The following MYH15 variants were observed in gnomAD, a reference collection of about 807,000 sequenced individuals.
MYH15 encodes myosin-15.
A neutral mutation model predicts 240.5 loss-of-function variants in MYH15; 227 were observed. The ratio of observed to expected loss-of-function variants is 0.94; its 90% CI spans 0.85 to 1.05. The LOEUF is 1.05. Among genes scored for constraint, MYH15 ranks in the 50% least tolerant of loss-of-function variants. The pLI, the probability that MYH15 is intolerant of heterozygous loss-of-function variation, is 0.00. For synonymous variants in MYH15, 785 were observed against 796.7 expected, an observed-to-expected ratio of 0.99 and a Z score of 0.25; for missense variants, 2,217 against 2,247.5, an observed-to-expected ratio of 0.99 and a Z score of 0.27.
chr3:108,392,798 A>G (rs2082431063), intron 36 of MYH15, among the ~76,000 whole-genome samples: 1 of 152,220 alleles, frequency 6.6e-6, no homozygotes, highest in African/African-American at 2.4e-5. Flanking sequence ...TCTTCATAAT[A>G]TATGATTGCA....
At chr3:108,436,999 G>A (rs1352734324) in intron 25 of MYH15, among the ~76,000 whole-genome samples, 1 of 152,138 alleles carries the variant, frequency 6.6e-6, no homozygotes, top group Non-Finnish European at 1.5e-5. Context: ...TCTTTGGGGT[G>A]TAAGGAATCC....
chr3:108,459,819 G>A (rs1317381455), intron 17 of MYH15, among the ~76,000 whole-genome samples: 1 of 152,178 alleles, frequency 6.6e-6, no homozygotes, highest in African/African-American at 2.4e-5. Context: ...ACCTGAGATG[G>A]GAATTCTGGT....
intron 26 of MYH15, among the ~76,000 whole-genome samples, chr3:108,429,704 T>C (rs1410831325): frequency 6.6e-6 from 1 of 152,184 alleles, no homozygotes; most frequent in Non-Finnish European, 1.5e-5. Flanking sequence ...TTTTAGAATA[T>C]GTTTTCCTTT....
At chr3:108,536,953 CAT>C in the MYH15 span, among the ~76,000 whole-genome samples, 1 of 152,146 alleles carries the variant, frequency 6.6e-6, no homozygotes, top group African/African-American at 2.4e-5. Context: ...CTAAGTGAAA[CAT>C]ATTCTCCTTC....
chr3:108,444,552 T>C, intron 22 of MYH15, 88 bp downstream of exon 22: 1 of 1,440,962 alleles, frequency 6.9e-7, no homozygotes. Context: ...CATGCATCTA[T>C]TTTTTTGTTT....
chr3:108,537,638 C>T, the MYH15 span, among the ~76,000 whole-genome samples: 5 of 152,188 alleles, frequency 3.3e-5, no homozygotes, highest in African/African-American at 1.2e-4. Context: ...CCTGTTGGCA[C>T]TTTGATCATG....
intron 4 of MYH15, 125 bp from the exon 5 acceptor site, chr3:108,499,607 T>C (rs2083421275): frequency 1.1e-6 from 1 of 932,760 alleles, no homozygotes; most frequent in African/African-American, 1.7e-5. Flanking sequence ...TAGCATCATT[T>C]ATAGTTAGAA....
At chr3:108,540,934 T>C in the MYH15 span, among the ~76,000 whole-genome samples, 1 of 152,204 alleles carries the variant, frequency 6.6e-6, no homozygotes. Flanking sequence ...TGTATATTCA[T>C]ATATTTTATG....
the MYH15 span, among the ~76,000 whole-genome samples, chr3:108,539,624 G>T: frequency 6.6e-6 from 1 of 151,810 alleles, no homozygotes; most frequent in Non-Finnish European, 1.5e-5. Flanking sequence ...TATAATTTAC[G>T]GGTAACTAAA....
intron 33 of MYH15, chr3:108,404,824 T>C (rs2082534122): frequency 6.6e-6 from 1 of 150,400 alleles, no homozygotes; most frequent in Non-Finnish European, 1.5e-5. Context: ...CACTGAATTT[T>C]TTAATTTTTT....
rs1035457325 is a variant in MYH15 at position 108,480,692 on chromosome 3, T to C, written c.1115-4177A>G. On this transcript the variant is annotated intron_variant, in intron 11 of 40. Coordinates refer to ENST00000693548, the MANE Select transcript of MYH15 (RefSeq NM_014981.3). Reference sequence around the variant, plus strand: ...ACTAGGAGGTTTCCAGTCTGAGAAGTAGAAAGAAGAACAATACCATAAATA... The same window carrying C: ...ACTAGGAGGTTTCCAGTCTGAGAAGCAGAAAGAAGAACAATACCATAAATA... Among the ~76,000 whole-genome samples the C allele has an allele frequency of 3.3e-5, 5 of 151,996 alleles. No homozygotes were observed. The East Asian group carries it at 9.6e-4, about 29-fold the overall frequency.
At chr3:108,457,879 T>C (rs1425170878) in intron 18 of MYH15, among the ~76,000 whole-genome samples, 4 of 151,784 alleles carry the variant, frequency 2.6e-5, no homozygotes, top group African/African-American at 9.7e-5. Context: ...ACTAAAAATA[T>C]AAAAATTAGC....
At chr3:108,524,575 C>CTT (rs2107271771) in intron 1 of MYH15, among the ~76,000 whole-genome samples, 1 of 151,844 alleles carries the variant, frequency 6.6e-6, no homozygotes, top group Admixed American at 6.6e-5. Flanking sequence ...CTTTTTATAA[C>CTT]TTAACATTTT....
chr3:108,505,182 T>C (rs1276796886), intron 2 of MYH15, among the ~76,000 whole-genome samples: 1 of 152,238 alleles, frequency 6.6e-6, no homozygotes, highest in Non-Finnish European at 1.5e-5. Context: ...CTGTGAGTTC[T>C]AGTCAATAAT....
intron 21 of MYH15, among the ~76,000 whole-genome samples, chr3:108,451,988 A>AC (rs946861801): frequency 8.4e-5 from 3 of 35,794 alleles, no homozygotes; most frequent in Non-Finnish European, 1.6e-4. Flanking sequence ...AGTCATTTCT[A>AC]CAAAAAAAAA....
At position 108,391,764 on chromosome 3, in the gene MYH15, G is replaced by C; in HGVS notation, c.5426C>G (p.Ser1809Cys). The C allele has an allele frequency of 6.2e-7, 1 of 1,613,478 alleles. No homozygotes were observed. The highest frequency in any genetic ancestry group is 8.5e-7 in the Non-Finnish European group (1 of 1,179,770). The change falls in exon 37 of 41, where the codon TCC becomes TGC. Residue 1809 changes from serine to cysteine, a missense_variant. Coordinates refer to ENST00000693548, the MANE Select transcript of MYH15 (RefSeq NM_014981.3). ...CATGATTACCCAGACTCCTACCCTG[G>C]ATTCTAGTTTCTGGATTTGCTTTCT... The part of the protein sequence containing the change: ...GSRKQIQKLE[S>C]RVRELEGELE...
chr3:108,477,496 A>G (rs1321169198), intron 11 of MYH15, among the ~76,000 whole-genome samples: 1 of 152,252 alleles, frequency 6.6e-6, no homozygotes, highest in African/African-American at 2.4e-5. Flanking sequence ...GAGGACTAGT[A>G]TCAAGAAACA....
chr3:108,417,470 C>T (rs1355189881), intron 28 of MYH15, among the ~76,000 whole-genome samples: 1 of 152,076 alleles, frequency 6.6e-6, no homozygotes, highest in Non-Finnish European at 1.5e-5. Flanking sequence ...TTTATTACCT[C>T]ACTTGTAAGA....
upstream of MYH15, among the ~76,000 whole-genome samples, chr3:108,514,163 G>C (rs147994076): frequency 4.1e-4 from 63 of 152,294 alleles, no homozygotes; most frequent in Non-Finnish European, 7.6e-4. Context: ...GCTGAGACAA[G>C]TCACGAGCCC....
Sources: gnomAD v4.1 joint callset for allele counts (sites outside exome capture counted in the v4.1 genomes callset) on GRCh38, gnomAD v4.1.1 for gene constraint, MANE v1.5 for transcripts, NCBI Gene and HGNC (gene_info 2026-07-23, HGNC 2026-07-21) for gene names.